The following ZNF254 variants were observed in gnomAD, a reference collection of about 807,000 sequenced individuals.
ZNF254 encodes the protein zinc finger protein 254.
Under a neutral mutation model 12.4 loss-of-function variants are expected in ZNF254, and 10 were observed. The observed-to-expected ratio is 0.80, with a 90% CI of 0.50 to 1.36. The LOEUF (loss-of-function observed/expected upper bound fraction) is 1.36, where lower values mean the gene tolerates loss of function less well. Among genes scored for constraint, ZNF254 ranks in the 40% most tolerant of loss-of-function variants. ZNF254 has a pLI of 0.00. For synonymous variants in ZNF254, 305 were observed against 253.4 expected (o/e 1.20, Z -1.93); for missense variants, 996 against 763.9 (o/e 1.30, Z -3.58).
At chr19:24,071,491 A>G (rs1245219219) in intron 2 of ZNF254, among the ~76,000 whole-genome samples, 1 of 152,236 alleles carries the variant, frequency 6.6e-6, no homozygotes, top group Non-Finnish European at 1.5e-5. Flanking sequence ...ATTGTGGCGT[A>G]TAACTAGGTG....
chr19:24,085,408 G>GTATATATAGATATATATATATATATATA (rs1971990054), upstream of ZNF254, among the ~76,000 whole-genome samples: 1 of 32,710 alleles, frequency 3.1e-5, no homozygotes, highest in East Asian at 8.3e-4. Flanking sequence ...TTTGTTAAGG[G>GTATATATAGATATATATATATATATATA]TATATATATA....
chr19:24,076,677 C>A (rs1354083427), intron 2 of ZNF254, among the ~76,000 whole-genome samples: 1 of 152,000 alleles, frequency 6.6e-6, no homozygotes, highest in Non-Finnish European at 1.5e-5. Flanking sequence ...AAATGGAAGA[C>A]CTAGGATGGG....
intron 2 of ZNF254, among the ~76,000 whole-genome samples, chr19:24,058,557 G>A (rs921429642): frequency 3.3e-5 from 5 of 151,998 alleles, no homozygotes; most frequent in East Asian, 1.9e-4. Context: ...ACAGGCATGC[G>A]CCACCACGCC....
intron 1 of ZNF254, among the ~76,000 whole-genome samples, chr19:24,101,279 A>G (rs1336916933): frequency 6.6e-6 from 1 of 152,224 alleles, no homozygotes; most frequent in African/African-American, 2.4e-5. Context: ...ATCTGCAAAT[A>G]AGGTCTGGCC....
At chr19:24,051,649 CAT>C (rs955995587) in intron 2 of ZNF254, among the ~76,000 whole-genome samples, 1 of 152,214 alleles carries the variant, frequency 6.6e-6, no homozygotes, top group African/African-American at 2.4e-5. Context: ...TGTACTAAGA[CAT>C]ATCACTGAGT....
chr19:24,050,039 A>G (rs1042497338), intron 2 of ZNF254, among the ~76,000 whole-genome samples: 1 of 151,956 alleles, frequency 6.6e-6, no homozygotes, highest in Non-Finnish European at 1.5e-5. Flanking sequence ...GTGGTGATAT[A>G]TTACTGGGCC....
chr19:24,035,510 T>A (rs1307129850), intron 1 of ZNF254, among the ~76,000 whole-genome samples: 1 of 152,008 alleles, frequency 6.6e-6, no homozygotes, highest in African/African-American at 2.4e-5. Flanking sequence ...GTATTTTTAA[T>A]ATAAAAATAC....
At chr19:24,055,602 A>G (rs1351334105) in intron 2 of ZNF254, among the ~76,000 whole-genome samples, 1 of 152,116 alleles carries the variant, frequency 6.6e-6, no homozygotes, top group Non-Finnish European at 1.5e-5. Context: ...TTATATGAAC[A>G]CCCATCAAAA....
chr19:24,080,128 A>G (rs1379382922), intron 2 of ZNF254: 1 of 152,148 alleles, frequency 6.6e-6, no homozygotes, highest in African/African-American at 2.4e-5. Flanking sequence ...TGGATATGGC[A>G]TTTTTAGTTT....
intron 2 of ZNF254, among the ~76,000 whole-genome samples, chr19:24,047,844 C>T (rs1366595710): frequency 1.3e-5 from 2 of 150,766 alleles, no homozygotes; most frequent in African/African-American, 2.4e-5. Context: ...TGTGCCGCCA[C>T]GCCCAGGTAA....
At chr19:24,123,140 A>G (rs1974600782) in intron 3 of ZNF254, among the ~76,000 whole-genome samples, 1 of 152,176 alleles carries the variant, frequency 6.6e-6, no homozygotes, top group Non-Finnish European at 1.5e-5. Context: ...ACCTTTTCAG[A>G]ATATTAATTA....
intron 2 of ZNF254, among the ~76,000 whole-genome samples, chr19:24,049,198 A>ATTTT (rs1568426332): frequency 1.6e-5 from 1 of 61,208 alleles, no homozygotes; most frequent in Non-Finnish European, 3.1e-5. Context: ...ATATATATAT[A>ATTTT]TATATATATA....
At chr19:24,089,872 A>G (rs1482164294) in intron 1 of ZNF254, among the ~76,000 whole-genome samples, 1 of 151,894 alleles carries the variant, frequency 6.6e-6, no homozygotes, top group Non-Finnish European at 1.5e-5. Flanking sequence ...ATAGTAAAAA[A>G]TTTCTAGAAA....
At chr19:24,083,080 T>TA (rs1245545729), upstream of ZNF254, among the ~76,000 whole-genome samples, 1 of 152,092 alleles carries the variant, frequency 6.6e-6, no homozygotes, top group Non-Finnish European at 1.5e-5. Context: ...TAAATACTCA[T>TA]AAAAAAGCAT....
intron 2 of ZNF254, among the ~76,000 whole-genome samples, chr19:24,074,414 T>C (rs752560265): frequency 6.6e-6 from 1 of 152,196 alleles, no homozygotes; most frequent in Non-Finnish European, 1.5e-5. Flanking sequence ...CAGTGACATA[T>C]CTGTGAATCC....
At chr19:24,125,391 T>G (rs1401445681) in intron 3 of ZNF254, among the ~76,000 whole-genome samples, 1 of 151,994 alleles carries the variant, frequency 6.6e-6, no homozygotes, top group African/African-American at 2.4e-5. Context: ...TTATTACCAA[T>G]TATTAAAATT....
chr19:24,125,824 G>A (rs1201940728), intron 3 of ZNF254, among the ~76,000 whole-genome samples: 1 of 152,118 alleles, frequency 6.6e-6, no homozygotes, highest in Non-Finnish European at 1.5e-5. Flanking sequence ...TGTCATGAGA[G>A]ACAGAAACCA....
intron 3 of ZNF254, among the ~76,000 whole-genome samples, chr19:24,125,722 T>C (rs1399545379): frequency 6.6e-6 from 1 of 152,244 alleles, no homozygotes. Flanking sequence ...TCTGTGGTAC[T>C]GCAGTCTCTC....
chr19:24,090,230 C>G (rs1388694828), intron 1 of ZNF254, among the ~76,000 whole-genome samples: 2 of 151,682 alleles, frequency 1.3e-5, no homozygotes, highest in Non-Finnish European at 2.9e-5. Flanking sequence ...AAACTGACCC[C>G]AGTGAGATGG....
Sources: gnomAD v4.1 joint callset for allele counts (sites outside exome capture counted in the v4.1 genomes callset) on GRCh38, gnomAD v4.1.1 for gene constraint, MANE v1.5 for transcripts, NCBI Gene and HGNC (gene_info 2026-07-23, HGNC 2026-07-21) for gene names.